The following CSDE1 variants were observed in gnomAD, a reference collection of about 807,000 sequenced individuals.
The protein encoded by CSDE1 is cold shock domain containing E1.
Under a neutral mutation model 89.3 loss-of-function variants are expected in CSDE1, and 17 were observed. The observed-to-expected ratio is 0.19, with a 90% CI of 0.13 to 0.29. The LOEUF (loss-of-function observed/expected upper bound fraction) is 0.29, where lower values mean the gene tolerates loss of function less well. Ranked by LOEUF, CSDE1 falls within the 10% of genes least tolerant of loss-of-function variation. CSDE1 has a pLI of 1.00. For missense variants in CSDE1, 672 were observed against 984.2 expected, an observed-to-expected ratio of 0.68 and a Z score of 4.24; for synonymous variants, 322 against 332.8, an observed-to-expected ratio of 0.97 and a Z score of 0.35.
At chr1:114,755,874 T>C (rs984647218) in intron 1 of CSDE1, among the ~76,000 whole-genome samples, 1 of 152,232 alleles carries the variant, frequency 6.6e-6, no homozygotes, top group African/African-American at 2.4e-5. Flanking sequence ...AACTACCTTG[T>C]CGAAAGTATG....
intron 16 of CSDE1, among the ~76,000 whole-genome samples, chr1:114,722,547 C>T (rs192311635): frequency 2.0e-5 from 3 of 152,272 alleles, no homozygotes; most frequent in South Asian, 2.1e-4. Context: ...TGTCTAGTCC[C>T]GGGCTTAGAG....
chr1:114,733,214 T>C (rs755613819), intron 9 of CSDE1, among the ~76,000 whole-genome samples: 46 of 152,096 alleles, frequency 3.0e-4, no homozygotes, highest in Non-Finnish European at 6.0e-4. Flanking sequence ...TTTGGCCTTT[T>C]TTCATCACCC....
At chr1:114,746,748 A>T (rs1333976377) in intron 2 of CSDE1, 1 of 152,192 alleles carries the variant, frequency 6.6e-6, no homozygotes, top group Non-Finnish European at 1.5e-5. Flanking sequence ...TCCATCCAAC[A>T]TTTCTCCATA....
At chr1:114,745,444 CA>C (rs1660964259) in intron 2 of CSDE1, among the ~76,000 whole-genome samples, 2 of 152,116 alleles carry the variant, frequency 1.3e-5, no homozygotes, top group Admixed American at 1.3e-4. Flanking sequence ...GATATTTATA[CA>C]GTATGATTTC....
intron 14 of CSDE1, 53 bp downstream of exon 14, chr1:114,726,152 TCCAACA>T: frequency 6.7e-7 from 1 of 1,491,936 alleles, no homozygotes; most frequent in Non-Finnish European, 9.0e-7. Context: ...TGTTTTTTAT[TCCAACA>T]CCAAAGAATG....
chr1:114,731,992 T>G (rs953537488), intron 10 of CSDE1, among the ~76,000 whole-genome samples: 1 of 152,116 alleles, frequency 6.6e-6, no homozygotes, highest in Non-Finnish European at 1.5e-5. Flanking sequence ...TTTTTCTATT[T>G]TTAGTAGAGA....
intron 6 of CSDE1, 74 bp from the exon 7 acceptor site, chr1:114,734,597 T>C: frequency 8.6e-7 from 1 of 1,168,416 alleles, no homozygotes; most frequent in Non-Finnish European, 1.2e-6. Flanking sequence ...TAGATATGAG[T>C]CTAAAGAAAC....
Position 114,737,472 on chromosome 1 carries a change from C to T in CSDE1, c.401G>A (p.Gly134Glu). The change falls in exon 5 of 20, where the codon GGG becomes GAG. Residue 134 changes from glycine to glutamate, a missense_variant and splice_region_variant. By Grantham distance (98) the Gly-to-Glu change is moderately conservative. Around this residue, in one of 8 missense-constraint regions of CSDE1, gnomAD observed 124 missense variants for 138.7 expected, o/e 0.89. Transcript: ENST00000358528. ...TTTAAGAAAAATACACAAGTTTACC[C>T]CATTACGTTCGTAGCATACACTCCC... The part of the protein sequence containing the change: ...PTGSVCYERN[G>E]EVFYLTYTPE... 1 of 1,610,882 alleles carries T rather than the reference C, an allele frequency of 6.2e-7. No individual in the cohort carries two copies. Among genetic ancestry groups the T allele is most frequent in the East Asian group, 2.2e-5 (1 of 44,858 alleles).
chr1:114,752,953 A>G (rs527345214), intron 1 of CSDE1, among the ~76,000 whole-genome samples: 80 of 152,342 alleles, frequency 5.3e-4, no homozygotes, highest in African/African-American at 1.9e-3. Flanking sequence ...ATATACAACC[A>G]AAGGAAAAAG....
rs560362452 is a variant in CSDE1, at chr1:114,735,682, C to T, written c.500+1076G>A. ...TCCCAGACATGCTCTTAGGACTTTT[C>T]CCTCCACATGCTACTGGAAGGTACA... is the stretch of plus-strand genomic sequence containing the variant. On this transcript the variant is annotated intron_variant, in intron 6 of 19. Coordinates refer to ENST00000358528, the MANE Select transcript of CSDE1 (RefSeq NM_001007553.3). Among the ~76,000 whole-genome samples the T allele has an allele frequency of 5.3e-5, 8 of 152,310 alleles. No homozygotes were observed. The South Asian group carries it at 1.2e-3, about 24-fold the overall frequency.
chr1:114,737,824 T>G (rs1660486795), intron 4 of CSDE1, 139 bp downstream of exon 4: 1 of 676,272 alleles, frequency 1.5e-6, no homozygotes, highest in Non-Finnish European at 2.5e-6. Flanking sequence ...TGCTTTTGAT[T>G]AATTTTAAAA....
chr1:114,727,100 T>C lies in CSDE1; in HGVS notation c.1357-10A>G. On this transcript the variant is annotated splice_polypyrimidine_tract_variant and intron_variant, in intron 12 of 19. Coordinates refer to ENST00000358528, the MANE Select transcript of CSDE1 (RefSeq NM_001007553.3). ...TGCCATCCTCAGCCTCCTAAAGAGATACAGTCAAAAACAGAATGAAAACAA... is the reference window on the plus strand; with the variant it reads ...TGCCATCCTCAGCCTCCTAAAGAGACACAGTCAAAAACAGAATGAAAACAA... The C allele has an allele frequency of 1.9e-6, 3 of 1,577,968 alleles. No homozygotes were observed. The highest frequency in any genetic ancestry group is 2.6e-6 in the Non-Finnish European group (3 of 1,147,998).
chr1:114,730,000 G>A (rs1008878442), intron 12 of CSDE1, among the ~76,000 whole-genome samples: 1 of 152,162 alleles, frequency 6.6e-6, no homozygotes, highest in Admixed American at 6.5e-5. Flanking sequence ...GGGAAAAGGG[G>A]TCAGAATACT....
intron 1 of CSDE1, 70 bp downstream of exon 1, chr1:114,757,855 C>G (rs1165975745): frequency 6.5e-6 from 1 of 152,752 alleles, no homozygotes; most frequent in African/African-American, 2.4e-5. Flanking sequence ...TTCTCGTTAG[C>G]CTTGGTCTTA....
At chr1:114,724,167 G>T (rs1368787650) in intron 15 of CSDE1, 165 bp from the exon 16 acceptor site, 5 of 558,544 alleles carry the variant, frequency 9.0e-6, no homozygotes, top group African/African-American at 1.9e-5. Flanking sequence ...TAGAACAGCT[G>T]CTGGACTTTA....
intron 16 of CSDE1, 59 bp downstream of exon 16, chr1:114,723,824 A>G (rs1274606869): frequency 9.3e-6 from 15 of 1,608,378 alleles, no homozygotes; most frequent in Admixed American, 1.7e-5. Context: ...TTAAAACTTT[A>G]TAGGTGCTCA....
rs66566286 is a variant in CSDE1 at position 114,729,514 on chromosome 1, C to CA, written c.1356+743dup. ...ACCAACAAAAACCCACACACAAAAC[C>CA]AAAAAAAAAAAAAAAAAAATTCCTG... On this transcript the variant is annotated intron_variant, in intron 12 of 19. Transcript: ENST00000358528. Among the ~76,000 whole-genome samples the CA allele has an allele frequency of 8.0e-3, 1,020 of 127,192 alleles. 10 individuals carry two copies. The highest frequency in any genetic ancestry group is 9.9e-3 in the African/African-American group (337 of 34,068). 83.4% of individuals were successfully genotyped at this position (127,192 alleles called of 152,430 possible).
In CSDE1 at chr1:114,732,690, T is replaced by C. The variant is rs1307490780; in HGVS notation, c.964A>G (p.Thr322Ala). 4 of 1,614,066 alleles carry C rather than the reference T, an allele frequency of 2.5e-6. No homozygotes were observed. The highest frequency in any genetic ancestry group is 1.7e-5 in the Admixed American group (1 of 60,010). Residue 322 changes from threonine to alanine, a missense_variant, in exon 10 of 20, where the codon ACA becomes GCA. By Grantham distance (58) the Thr-to-Ala change is moderately conservative. This residue lies in a region of CSDE1 where 169 missense variants were observed against 262.9 expected (regional missense o/e 0.64). Coordinates refer to ENST00000358528, the MANE Select transcript of CSDE1 (RefSeq NM_001007553.3). ...CGCTCTAATTTGTCACGTCGGTCTGTTGAAATATTAAACCTAACATGGTCA... is the reference window on the plus strand; with the variant it reads ...CGCTCTAATTTGTCACGTCGGTCTGCTGAAATATTAAACCTAACATGGTCA... ...EGDHVRFNIS[T>A]DRRDKLERAT...
At chr1:114,742,654 G>A (rs80337306) in intron 2 of CSDE1, among the ~76,000 whole-genome samples, 49 of 152,234 alleles carry the variant, frequency 3.2e-4, no homozygotes, top group African/African-American at 1.2e-3. Flanking sequence ...GGAAGATAAG[G>A]CAAGCACATG....
Sources: gnomAD v4.1 joint callset for allele counts (sites outside exome capture counted in the v4.1 genomes callset) on GRCh38, gnomAD v4.1.1 for gene constraint, gnomAD v4.1.1 regional missense constraint, MANE v1.5 for transcripts, NCBI Gene and HGNC (gene_info 2026-07-23, HGNC 2026-07-21) for gene names.